The following PRKDC variants were observed in gnomAD, a reference collection of about 807,000 sequenced individuals.
PRKDC encodes protein kinase, DNA-activated, catalytic subunit, also known as DNA-dependent protein kinase catalytic subunit.
A neutral mutation model predicts 486.9 loss-of-function variants in PRKDC; 82 were observed. The ratio of observed to expected loss-of-function variants is 0.17; its 90% CI spans 0.14 to 0.20. The LOEUF is 0.20. Among genes scored for constraint, PRKDC ranks in the 10% least tolerant of loss-of-function variants. The pLI is 1.00. For missense variants in PRKDC, 4,504 were observed against 5,038.2 expected (o/e 0.89, Z 3.21); for synonymous variants, 1,895 against 1,837.0 (o/e 1.03, Z -0.81).
chr8:47,887,747 T>C, intron 34 of PRKDC, 42 bp from the exon 35 acceptor site: 1 of 1,539,356 alleles, frequency 6.5e-7, no homozygotes, highest in Admixed American at 2.2e-5. Context: ...AAAAAGATAT[T>C]TCTTAGAAAA....
intron 40 of PRKDC, among the ~76,000 whole-genome samples, chr8:47,864,996 T>C (rs922344645): frequency 6.6e-5 from 10 of 152,220 alleles, no homozygotes; most frequent in Non-Finnish European, 1.5e-5. Context: ...AAAAGAAGAA[T>C]GTTTCATTTA....
intron 22 of PRKDC, among the ~76,000 whole-genome samples, chr8:47,916,306 G>C (rs1336368511): frequency 6.6e-6 from 1 of 152,026 alleles, no homozygotes; most frequent in Non-Finnish European, 1.5e-5. Context: ...CAATTAGCCA[G>C]GCGTGGTGGC....
chr8:47,945,474 G>A lies in PRKDC; in HGVS notation c.722-1445C>T, dbSNP rs2090517471. Among the ~76,000 whole-genome samples the A allele has an allele frequency of 2.0e-5, 3 of 152,112 alleles. No homozygotes were observed. The East Asian group carries it at 5.8e-4, about 29-fold the overall frequency. On this transcript the variant is annotated intron_variant, in intron 7 of 85. Transcript: ENST00000314191. ...GTCTCTGTGAATCTGACTACTCTAA[G>A]TACCTCGTGTGAGTGAAACCACACA...
intron 35 of PRKDC, among the ~76,000 whole-genome samples, chr8:47,886,631 A>G (rs1391837296): frequency 6.6e-6 from 1 of 151,604 alleles, no homozygotes; most frequent in African/African-American, 2.4e-5. Context: ...ACCTCAAGCA[A>G]TTCACCCGCC....
In PRKDC at chr8:47,898,534, G is replaced by T; in HGVS notation, c.3400C>A (p.Leu1134Ile). 1 of 1,531,724 alleles carries T rather than the reference G, an allele frequency of 6.5e-7. No homozygotes were observed. Among genetic ancestry groups the T allele is most frequent in the East Asian group, 2.3e-5 (1 of 43,198 alleles). The allele number at this position is 1,531,724 out of a possible 1,614,324, so 94.9% of individuals were successfully genotyped here. ...TGCTTCTTTTCAATGATGCGGCATA[G>T]GTGATCAATGGCATCACAACACTGT... is the stretch of plus-strand genomic sequence containing the variant. ...IQQCCDAIDH[L>I]CRIIEKKHVS... Residue 1134 changes from leucine to isoleucine, a missense_variant, in exon 29 of 86, where the codon CTA becomes ATA. Coordinates refer to ENST00000314191, the MANE Select transcript of PRKDC (RefSeq NM_006904.7).
chr8:47,801,802 A>C (rs549930428), intron 70 of PRKDC, among the ~76,000 whole-genome samples: 1 of 152,262 alleles, frequency 6.6e-6, no homozygotes, highest in South Asian at 2.1e-4. Context: ...GAGGTGCGAT[A>C]ACAGTGTTGA....
intron 36 of PRKDC, among the ~76,000 whole-genome samples, chr8:47,885,260 T>C (rs2089301302): frequency 6.6e-6 from 1 of 152,166 alleles, no homozygotes; most frequent in African/African-American, 2.4e-5. Context: ...CAAGAAATTC[T>C]CCTGCCTCAG....
intron 67 of PRKDC, among the ~76,000 whole-genome samples, chr8:47,817,825 T>G (rs1312132698): frequency 6.6e-6 from 1 of 152,250 alleles, no homozygotes. Flanking sequence ...ACAGTCCATC[T>G]GTAATATCAA....
rs1185339260 is a variant in PRKDC, at chr8:47,929,990, C to T, written c.1915G>A (p.Ala639Thr). 5.0e-6 allele frequency: 8 copies of T among 1,606,260 alleles called. No homozygotes were observed. The highest frequency in any genetic ancestry group is 6.8e-6 in the Non-Finnish European group (8 of 1,177,756). The change falls in exon 18 of 86, where the codon GCA (alanine) becomes ACA (threonine). Residue 639 changes from alanine to threonine, a missense_variant. Coordinates refer to ENST00000314191, the MANE Select transcript of PRKDC (RefSeq NM_006904.7). ...FCREILPEKQ[A>T]EFFEPWVYSF... ...TACACCCATGGTTCAAAAAATTCTG[C>T]TTGTTTCTCAGGGAGAATCTCTCTG...
intron 46 of PRKDC, 90 bp downstream of exon 46, chr8:47,859,521 T>A: frequency 7.0e-7 from 1 of 1,430,482 alleles, no homozygotes. Flanking sequence ...GACAGAGAAC[T>A]GGCTTCCTGT....
chr8:47,829,567 ATTGT>A (rs1261448092), intron 61 of PRKDC, among the ~76,000 whole-genome samples: 3 of 152,142 alleles, frequency 2.0e-5, no homozygotes, highest in Non-Finnish European at 4.4e-5. Flanking sequence ...TTTATTCCTT[ATTGT>A]TTATTTTAAG....
chr8:47,956,951 T>C (rs28719542), intron 3 of PRKDC, among the ~76,000 whole-genome samples: 3,371 of 53,542 alleles, frequency 0.063, 168 homozygotes, highest in African/African-American at 0.2. Context: ...AAATAACTAA[T>C]GGGCAACAAG....
chr8:47,850,256 C>T (rs2088371787), intron 52 of PRKDC, among the ~76,000 whole-genome samples: 2 of 152,174 alleles, frequency 1.3e-5, no homozygotes, highest in South Asian at 4.1e-4. Flanking sequence ...GGGTAGGCAA[C>T]GTTTCAAAGG....
chr8:47,893,162 G>A lies in PRKDC; in HGVS notation c.3824C>T (p.Thr1275Ile). Residue 1275 changes from threonine to isoleucine, a missense_variant, in exon 31 of 86, where the codon ACT becomes ATT. Around this residue, in one of 6 missense-constraint regions of PRKDC, gnomAD observed 1,969 missense variants for 2,068.9 expected, o/e 0.95. Transcript: ENST00000314191. ...ECYNTFIGER[T>I]VGALQVLGTE... is the part of the protein sequence containing the mutation. Reference sequence around the variant, plus strand: ...ACCTAGGACCTGGAGCGCTCCTACAGTTCTCTCGCCAATGAACGTGTTGTA... The same window carrying A: ...ACCTAGGACCTGGAGCGCTCCTACAATTCTCTCGCCAATGAACGTGTTGTA... The A allele has an allele frequency of 1.2e-6, 2 of 1,611,030 alleles. No individual in the cohort carries two copies.
At position 47,936,161 on chromosome 8, in the gene PRKDC, A is replaced by T. The variant is rs8178022; in HGVS notation, c.1278+192T>A. Among the ~76,000 whole-genome samples the T allele has an allele frequency of 2.9e-3, 440 of 152,290 alleles. 3 individuals carry two copies. The highest frequency in any genetic ancestry group is 0.01 in the African/African-American group (431 of 41,558). On this transcript the variant is annotated intron_variant, in intron 12 of 85. Transcript: ENST00000314191. ...TTTCAGAAAGATGGAAGGAGAAACA[A>T]ATATTTTTTTCCTGTTCTGGATAAC... is the stretch of plus-strand genomic sequence containing the variant.
intron 62 of PRKDC, 91 bp from the exon 63 acceptor site, chr8:47,826,952 G>A (rs779976087): frequency 3.5e-5 from 44 of 1,251,854 alleles, no homozygotes; most frequent in Non-Finnish European, 4.7e-5. Context: ...AACATAAAAG[G>A]TACCCATGTG....
chr8:47,854,083 T>C lies in PRKDC; in HGVS notation c.6893A>G (p.Glu2298Gly). Residue 2298 changes from glutamate to glycine, a missense_variant and splice_region_variant, in exon 51 of 86, where the codon GAA becomes GGA. Glu to Gly is a moderately conservative substitution (Grantham distance 98). Coordinates refer to ENST00000314191, the MANE Select transcript of PRKDC (RefSeq NM_006904.7). ...AAAAAATAATCAAGCAAACACGTAC[T>C]CGCTACTCTGGATGCCACACTGTGG... ...YDPQCGIQSSEYFQALVNNMS... is the reference protein window; with the variant it reads ...YDPQCGIQSSGYFQALVNNMS... The C allele has an allele frequency of 9.9e-6, 16 of 1,613,840 alleles. No homozygotes were observed. Among genetic ancestry groups the C allele is most frequent in the Non-Finnish European group, 1.4e-5 (16 of 1,179,812 alleles).
chr8:47,956,287 G>C (rs1237819367), intron 3 of PRKDC, among the ~76,000 whole-genome samples: 2 of 152,096 alleles, frequency 1.3e-5, no homozygotes, highest in Non-Finnish European at 2.9e-5. Flanking sequence ...GCTTGAACCC[G>C]GGAGACGGAG....
intron 34 of PRKDC, among the ~76,000 whole-genome samples, chr8:47,887,956 A>C (rs1421429145): frequency 1.3e-5 from 2 of 152,194 alleles, no homozygotes; most frequent in East Asian, 3.8e-4. Flanking sequence ...TCCAAGCTCA[A>C]GCAATCCTCC....
Sources: allele counts gnomAD v4.1 joint callset (sites outside exome capture counted in the v4.1 genomes callset), GRCh38; gene constraint gnomAD v4.1.1; regional missense constraint gnomAD v4.1.1; transcripts MANE v1.5; gene names NCBI Gene and HGNC (gene_info 2026-07-23, HGNC 2026-07-21).